KIAA0232: variants seen among roughly 807,000 people sequenced by gnomAD.
KIAA0232 encodes KIAA0232.
In KIAA0232, 27 loss-of-function variants were observed where a neutral mutation model predicts 122.0. That is an observed-to-expected ratio of 0.22 (90% confidence interval 0.16 to 0.31). The LOEUF (loss-of-function observed/expected upper bound fraction) is 0.31. KIAA0232 is among the 10% of genes least tolerant of loss of function. The pLI is 1.00. For synonymous variants in KIAA0232, 613 were observed against 587.6 expected (o/e 1.04, Z -0.63); for missense variants, 1,551 against 1,634.2 (o/e 0.95, Z 0.88).
At chr4:6,812,657 A>C (rs186776854) in intron 2 of KIAA0232, among the ~76,000 whole-genome samples, 1 of 152,202 alleles carries the variant, frequency 6.6e-6, no homozygotes, top group South Asian at 2.1e-4. Context: ...TATGATAAAC[A>C]TGAGAAGAAA....
intron 1 of KIAA0232, among the ~76,000 whole-genome samples, chr4:6,791,315 CTTTTTTTTTTTTTTTTTT>C (rs10716163): frequency 6.0e-5 from 5 of 82,672 alleles, no homozygotes; most frequent in Non-Finnish European, 1.1e-4. Context: ...GTCATAAAGC[CTTTTTTTTTTTTTTTTTT>C]TTTTTTTTTT....
intron 3 of KIAA0232, among the ~76,000 whole-genome samples, chr4:6,835,208 C>A (rs1719197398): frequency 6.6e-6 from 1 of 152,166 alleles, no homozygotes; most frequent in Non-Finnish European, 1.5e-5. Context: ...TTGGCTGGGT[C>A]CCTCAAAGCG....
chr4:6,797,332 C>CT (rs1577355932), intron 1 of KIAA0232, among the ~76,000 whole-genome samples: 1 of 152,210 alleles, frequency 6.6e-6, no homozygotes, highest in East Asian at 1.9e-4. Context: ...CATTTTCTCT[C>CT]TGTCTTGAGG....
rs875631 is a variant in KIAA0232, at chr4:6,848,658, A to G, written c.369+6454A>G. Among the ~76,000 whole-genome samples the G allele has an allele frequency of 8.8e-3, 1,338 of 152,376 alleles. 64 individuals carry two copies. Among genetic ancestry groups the G allele is most frequent in the Admixed American group, 0.082 (1,256 of 15,310 alleles). ...CCTCAGGGGGTCCTGGAAGCGACCC[A>G]ATATAGGGATGACTATATACTGTGT... On this transcript the variant is annotated intron_variant, in intron 4 of 9. Coordinates refer to ENST00000307659, the MANE Select transcript of KIAA0232 (RefSeq NM_014743.3).
At chr4:6,795,351 C>T (rs751982714) in intron 1 of KIAA0232, among the ~76,000 whole-genome samples, 1 of 152,180 alleles carries the variant, frequency 6.6e-6, no homozygotes, top group Non-Finnish European at 1.5e-5. Context: ...GGATCACAGG[C>T]GTGAGCCACC....
At chr4:6,859,124 CAAG>C (rs1241362601) in intron 6 of KIAA0232, among the ~76,000 whole-genome samples, 1 of 103,800 alleles carries the variant, frequency 9.6e-6, no homozygotes, top group Non-Finnish European at 2.0e-5. Context: ...AAAAAAAAAA[CAAG>C]AAAGAAAAGA....
At chr4:6,833,265 A>G (rs1266980972) in intron 3 of KIAA0232, among the ~76,000 whole-genome samples, 1 of 152,210 alleles carries the variant, frequency 6.6e-6, no homozygotes, top group African/African-American at 2.4e-5. Flanking sequence ...CATCACAAGC[A>G]TTGTTATTTG....
chr4:6,824,994 T>C (rs572009441), intron 3 of KIAA0232, among the ~76,000 whole-genome samples: 14 of 152,368 alleles, frequency 9.2e-5, no homozygotes, highest in Admixed American at 4.6e-4. Context: ...GTAGCAGTGC[T>C]CTGGAATGTT....
In KIAA0232 at chr4:6,863,893, G is replaced by C; in HGVS notation, c.3511G>C (p.Glu1171Gln). The change falls in exon 7 of 10, where the codon GAG (glutamate) becomes CAG (glutamine). Residue 1171 changes from glutamate (E) to glutamine (Q), a missense_variant. By Grantham distance (29) the Glu-to-Gln change is conservative. This residue lies in a region of KIAA0232 where 1,108 missense variants were observed against 1,154.8 expected (regional missense o/e 0.96). Coordinates refer to ENST00000307659, the MANE Select transcript of KIAA0232 (RefSeq NM_014743.3). ...EGHYYGKSEL[E>Q]SGKFLPRLKK... The stretch of plus-strand genomic sequence containing the variant: ...CCATTACTATGGAAAATCAGAGCTT[G>C]AGTCTGGAAAATTCCTTCCCAGGTT... 1 of 1,614,152 alleles carries C rather than the reference G, an allele frequency of 6.2e-7. No homozygotes were observed.
chr4:6,833,164 A>G (rs1415106489), intron 3 of KIAA0232, among the ~76,000 whole-genome samples: 1 of 152,230 alleles, frequency 6.6e-6, no homozygotes, highest in Non-Finnish European at 1.5e-5. Context: ...AGGAACTGTA[A>G]AAGTCTGACC....
intron 3 of KIAA0232, among the ~76,000 whole-genome samples, chr4:6,834,412 A>G (rs183670065): frequency 2.4e-4 from 36 of 152,314 alleles, no homozygotes; most frequent in African/African-American, 8.2e-4. Context: ...TATTGCTATT[A>G]TTGTTGCTAT....
chr4:6,856,109 T>A (rs888541905), intron 4 of KIAA0232, among the ~76,000 whole-genome samples: 2 of 145,942 alleles, frequency 1.4e-5, no homozygotes, highest in African/African-American at 4.9e-5. Context: ...TGTTTCTTGC[T>A]ACTCAAACTG....
intron 4 of KIAA0232, among the ~76,000 whole-genome samples, chr4:6,848,693 T>G (rs913747232): frequency 6.6e-6 from 1 of 152,220 alleles, no homozygotes; most frequent in African/African-American, 2.4e-5. Context: ...TCTTGACACA[T>G]GGACTGTTGA....
intron 2 of KIAA0232, among the ~76,000 whole-genome samples, chr4:6,806,739 A>G (rs1161711809): frequency 2.1e-3 from 27 of 12,848 alleles, no homozygotes; most frequent in African/African-American, 0.012. Context: ...CTCCCTCTCA[A>G]AAAAAAAAAA....
Position 6,858,472 on chromosome 4 carries a change from G to C in KIAA0232, c.484G>C (p.Glu162Gln), listed in dbSNP as rs1258121064. The C allele has an allele frequency of 3.7e-6, 6 of 1,608,976 alleles. No homozygotes were observed. The highest frequency in any genetic ancestry group is 5.1e-6 in the Non-Finnish European group (6 of 1,177,772). Residue 162 changes from glutamate to glutamine, a missense_variant, in exon 6 of 10, where the codon GAA becomes CAA. Glu to Gln is a conservative substitution (Grantham distance 29). Coordinates refer to ENST00000307659, the MANE Select transcript of KIAA0232 (RefSeq NM_014743.3). ...KLEGSPSPEAELSPPAKDQVE... is the reference protein window; with the variant it reads ...KLEGSPSPEAQLSPPAKDQVE... ...AGAGGGGTCTCCCTCTCCAGAGGCAGAATTATCCCCTCCAGCAAAGGATCA... is the reference window on the plus strand; with the variant it reads ...AGAGGGGTCTCCCTCTCCAGAGGCACAATTATCCCCTCCAGCAAAGGATCA...
At chr4:6,880,657 T>C (rs1183487165) in intron 9 of KIAA0232, 130 bp from the exon 10 acceptor site, 1 of 604,898 alleles carries the variant, frequency 1.7e-6, no homozygotes, top group African/African-American at 1.9e-5. Flanking sequence ...ACAGTAAAAC[T>C]CTGCATGTTT....
rs1718382883 is a variant in KIAA0232, at chr4:6,820,692, GTCTTTTA to G, written c.-269-3492_-269-3486del. Among the ~76,000 whole-genome samples, 19 of 152,106 alleles carry G rather than the reference GTCTTTTA, an allele frequency of 1.2e-4. 1 individual carries two copies. In the South Asian group the frequency reaches 3.8e-3, roughly 31 times the overall value. On this transcript the variant is annotated intron_variant, in intron 2 of 9. Coordinates refer to ENST00000307659, the MANE Select transcript of KIAA0232 (RefSeq NM_014743.3). ...TTGTATTATTTTTGTTTAAGCAATTGTCTTTTAAAGATATTTAAATAATAAGACAAAT... is the reference window on the plus strand; with the variant it reads ...TTGTATTATTTTTGTTTAAGCAATTGAAGATATTTAAATAATAAGACAAAT...
chr4:6,809,876 G>C (rs1479667892), intron 2 of KIAA0232, among the ~76,000 whole-genome samples: 1 of 152,076 alleles, frequency 6.6e-6, no homozygotes, highest in East Asian at 1.9e-4. Flanking sequence ...TTTAACCAAG[G>C]AGGTGAAAGA....
chr4:6,862,646 A>G lies in KIAA0232; in HGVS notation c.2264A>G (p.Asp755Gly), dbSNP rs376091389. ...CCTAGAGTCTCGTCAAATTATGTAG[A>G]TGAAGAACTTCTAGATTTTTTGCAA... ...VVPRVSSNYV[D>G]EELLDFLQDE... Residue 755 changes from aspartate (D) to glycine (G), a missense_variant, in exon 7 of 10, where the codon GAT becomes GGT. Coordinates refer to ENST00000307659, the MANE Select transcript of KIAA0232 (RefSeq NM_014743.3). 1.1e-5 allele frequency: 17 copies of G among 1,612,794 alleles called. No individual in the cohort carries two copies. The highest frequency in any genetic ancestry group is 1.3e-5 in the Non-Finnish European group (15 of 1,179,710).
Sources: allele counts gnomAD v4.1 joint callset (sites outside exome capture counted in the v4.1 genomes callset), GRCh38; gene constraint gnomAD v4.1.1; regional missense constraint gnomAD v4.1.1; transcripts MANE v1.5; gene names NCBI Gene and HGNC (gene_info 2026-07-23, HGNC 2026-07-21).